Variants in CEP192 observed in about 807,000 individuals in gnomAD.
CEP192 encodes centrosomal protein 192.
CEP192 carries 151 observed loss-of-function variants against 271.8 expected under a neutral mutation model. The observed-to-expected ratio is 0.56, with a 90% CI of 0.49 to 0.64. The LOEUF is 0.64. CEP192 is among the 30% of genes least tolerant of loss of function. The probability of loss-of-function intolerance (pLI) is 0.00; values close to 1 mark genes in which losing one functional copy is unlikely to be tolerated. For missense variants in CEP192, 2,910 were observed against 3,020.5 expected (o/e 0.96, Z 0.86); for synonymous variants, 995 against 1,076.5 (o/e 0.92, Z 1.48).
intron 21 of CEP192, among the ~76,000 whole-genome samples, chr18:13,065,589 A>G (rs1435014731): frequency 6.6e-6 from 1 of 152,230 alleles, no homozygotes; most frequent in Non-Finnish European, 1.5e-5. Flanking sequence ...TCTTTAATCA[A>G]TACTATTCCT....
chr18:12,993,533 T>C (rs961720186), intron 1 of CEP192, among the ~76,000 whole-genome samples: 3 of 152,204 alleles, frequency 2.0e-5, no homozygotes, highest in East Asian at 1.9e-4. Flanking sequence ...TTGCAGTGGC[T>C]ATTCACATGC....
chr18:13,008,596 T>C lies in CEP192; in HGVS notation c.431T>C (p.Leu144Pro). 1 of 1,551,536 alleles carries C rather than the reference T, an allele frequency of 6.4e-7. No homozygotes were observed. Among genetic ancestry groups the C allele is most frequent in the Non-Finnish European group, 8.7e-7 (1 of 1,146,932 alleles). The change falls in exon 4 of 45, where the codon CTC becomes CCC. Residue 144 changes from leucine to proline, a missense_variant. Physicochemically the swap from Leu to Pro is moderately conservative, Grantham distance 98. Transcript: ENST00000506447. ...ACAGAATCCTTGCAGGGCCAAGATC[T>C]CTTCAACAGGGCTTCACCACTGGAA... Reference protein sequence around the residue: ...GATESLQGQDLFNRASPLEQA... With the variant: ...GATESLQGQDPFNRASPLEQA...
chr18:13,015,175 G>A (rs2034572275), intron 5 of CEP192, among the ~76,000 whole-genome samples, 153 bp from the exon 6 acceptor site: 2 of 152,170 alleles, frequency 1.3e-5, no homozygotes, highest in African/African-American at 4.8e-5. Context: ...ATTAATACAT[G>A]TACAATTGCT....
chr18:13,042,091 G>T, intron 14 of CEP192, 113 bp from the exon 15 acceptor site: 1 of 758,350 alleles, frequency 1.3e-6, no homozygotes, highest in South Asian at 2.1e-5. Flanking sequence ...TGACATTTGG[G>T]GTACAAAGAC....
intron 41 of CEP192, 36 bp from the exon 42 acceptor site, chr18:13,114,094 A>G (rs745330085): frequency 1.9e-5 from 30 of 1,578,992 alleles, no homozygotes; most frequent in African/African-American, 5.5e-5. Flanking sequence ...CTTAGTTTTT[A>G]TTTCTTCTCC....
intron 15 of CEP192, among the ~76,000 whole-genome samples, chr18:13,048,268 G>C (rs1286840168): frequency 6.6e-6 from 1 of 152,170 alleles, no homozygotes; most frequent in Non-Finnish European, 1.5e-5. Context: ...ATCCTGGTAG[G>C]ATGTGAGTCT....
chr18:13,049,983 C>T, intron 17 of CEP192, 92 bp downstream of exon 17: 2 of 1,058,652 alleles, frequency 1.9e-6, no homozygotes, highest in Non-Finnish European at 2.7e-6. Flanking sequence ...ATTATCTGTG[C>T]ATTCGTCTCT....
At chr18:13,076,839 A>G (rs2038312566) in intron 30 of CEP192, among the ~76,000 whole-genome samples, 1 of 152,060 alleles carries the variant, frequency 6.6e-6, no homozygotes, top group East Asian at 1.9e-4. Flanking sequence ...CCTGGAGTGC[A>G]GTGGCGTGAT....
intron 1 of CEP192, among the ~76,000 whole-genome samples, chr18:12,994,561 G>C (rs1286628079): frequency 6.6e-6 from 1 of 152,082 alleles, no homozygotes; most frequent in East Asian, 1.9e-4. Flanking sequence ...ACATGGAAAA[G>C]GGTGAGGAGG....
Position 13,029,922 on chromosome 18 carries a change from A to C in CEP192, c.1310A>C (p.Asn437Thr). The C allele has an allele frequency of 6.4e-7, 1 of 1,551,730 alleles. No individual in the cohort carries two copies. The highest frequency in any genetic ancestry group is 8.7e-7 in the Non-Finnish European group (1 of 1,146,978). The change falls in exon 10 of 45, where the codon AAT (asparagine) becomes ACT (threonine). Residue 437 changes from asparagine to threonine, a missense_variant. Transcript: ENST00000506447. ...SLKPISDSGI[N>T]FTDAIWSPTC... is the part of the protein sequence containing the mutation. The stretch of plus-strand genomic sequence containing the variant: ...AAGCCCATTAGTGACAGTGGAATTA[A>C]TTTCACTGATGCCATTTGGTCACCA...
At chr18:13,013,069 G>A in intron 5 of CEP192, 44 bp downstream of exon 5, 1 of 973,672 alleles carries the variant, frequency 1.0e-6, no homozygotes, top group South Asian at 1.6e-5. Flanking sequence ...AGTACTATAG[G>A]GCAGTAAAAT....
rs780142610 is a variant in CEP192 at position 13,117,599 on chromosome 18, T to G, written c.7431T>G (p.Ser2477Arg). The G allele has an allele frequency of 3.7e-6, 6 of 1,611,746 alleles. No individual in the cohort carries two copies. The highest frequency in any genetic ancestry group is 3.4e-6 in the Non-Finnish European group (4 of 1,178,080). ...TTAAATTCCAGCTGAAGTTTTTGAG[T>G]CCCAGAGAGCCATTCTATGTCAAAC... is the stretch of plus-strand genomic sequence containing the variant. ...SFITHSLKFL[S>R]PREPFYVKHS... The change falls in exon 44 of 45, where the codon AGT becomes AGG. Residue 2477 changes from serine (S) to arginine (R), a missense_variant. Ser to Arg is a moderately radical substitution (Grantham distance 110). Transcript: ENST00000506447.
intron 21 of CEP192, among the ~76,000 whole-genome samples, chr18:13,061,607 A>G (rs557519796): frequency 6.6e-6 from 1 of 152,180 alleles, no homozygotes; most frequent in Non-Finnish European, 1.5e-5. Flanking sequence ...ATATTTGCAC[A>G]TATTATAAAC....
chr18:13,030,024 T>C, intron 10 of CEP192, 22 bp downstream of exon 10: 4 of 1,481,828 alleles, frequency 2.7e-6, no homozygotes, highest in Non-Finnish European at 3.7e-6. Flanking sequence ...TTTTAAAAAA[T>C]AGAGTGAAAG....
At position 13,029,918 on chromosome 18, in the gene CEP192, A is replaced by T. The variant is rs1187312454; in HGVS notation, c.1306A>T (p.Ile436Phe). The change falls in exon 10 of 45, where the codon ATT becomes TTT. Residue 436 changes from isoleucine (I) to phenylalanine (F), a missense_variant. By Grantham distance (21) the Ile-to-Phe change is conservative. Transcript: ENST00000506447. ...ASLKPISDSG[I>F]NFTDAIWSPT... ...TTTGAAGCCCATTAGTGACAGTGGAATTAATTTCACTGATGCCATTTGGTC... is the reference window on the plus strand; with the variant it reads ...TTTGAAGCCCATTAGTGACAGTGGATTTAATTTCACTGATGCCATTTGGTC... 31 of 1,551,616 alleles carry T rather than the reference A, an allele frequency of 2.0e-5. No homozygotes were observed. Among genetic ancestry groups the T allele is most frequent in the Non-Finnish European group, 2.7e-5 (31 of 1,146,986 alleles).
rs1428066927 is a variant in CEP192 at position 13,099,566 on chromosome 18, T to C, written c.6648T>C (p.Cys2216=). 4 of 1,555,690 alleles carry C rather than the reference T, an allele frequency of 2.6e-6. No homozygotes were observed. Among genetic ancestry groups the C allele is most frequent in the Non-Finnish European group, 3.5e-6 (4 of 1,150,510 alleles). Reference sequence around the variant, plus strand: ...GGAGTGGTTTGATCTATATACACTGTGACGATGGACAGAAGGTACTTTTAA... The same window carrying C: ...GGAGTGGTTTGATCTATATACACTGCGACGATGGACAGAAGGTACTTTTAA... ...FPWSGLIYIH[C]DDGQKKIVKV... is the part of the protein sequence containing the mutation. Residue 2216 remains cysteine, a synonymous_variant, in exon 37 of 45, where the codon TGT becomes TGC. Transcript: ENST00000506447.
chr18:13,064,773 C>T (rs997085981), intron 21 of CEP192, among the ~76,000 whole-genome samples: 1 of 152,012 alleles, frequency 6.6e-6, no homozygotes, highest in African/African-American at 2.4e-5. Context: ...TGTGATTCCT[C>T]CAGTTTTATT....
chr18:13,044,539 C>T (rs544540565), intron 15 of CEP192, among the ~76,000 whole-genome samples: 229 of 152,144 alleles, frequency 1.5e-3, no homozygotes, highest in Non-Finnish European at 2.2e-3. Context: ...TGAATCTTGC[C>T]GAGTGCTTCT....
chr18:13,054,943 A>G (rs1365445969), intron 18 of CEP192, among the ~76,000 whole-genome samples: 1 of 152,166 alleles, frequency 6.6e-6, no homozygotes, highest in Non-Finnish European at 1.5e-5. Flanking sequence ...TCATAGAGCC[A>G]CACAAGTTTA....
Sources: allele counts gnomAD v4.1 joint callset (sites outside exome capture counted in the v4.1 genomes callset), GRCh38; gene constraint gnomAD v4.1.1; transcripts MANE v1.5; gene names NCBI Gene and HGNC (gene_info 2026-07-23, HGNC 2026-07-21).